Variants in PDCD6IP observed in about 807,000 individuals in gnomAD.
The protein encoded by PDCD6IP is programmed cell death 6-interacting protein.
Under a neutral mutation model 103.7 loss-of-function variants are expected in PDCD6IP, and 43 were observed. That is an observed-to-expected ratio of 0.41 (90% confidence interval 0.32 to 0.53). PDCD6IP has a LOEUF of 0.53. PDCD6IP is among the 20% of genes least tolerant of loss of function. The pLI, the probability that PDCD6IP is intolerant of heterozygous loss-of-function variation, is 0.16. For missense variants in PDCD6IP, 871 were observed against 1,036.7 expected (o/e 0.84, Z 2.20); for synonymous variants, 354 against 378.7 (o/e 0.93, Z 0.76).
chr3:33,864,113 C>T lies in PDCD6IP; in HGVS notation c.2228C>T (p.Ala743Val), dbSNP rs904072907. 2.3e-5 allele frequency: 37 copies of T among 1,594,504 alleles called. No individual in the cohort carries two copies. Among genetic ancestry groups the T allele is most frequent in the Admixed American group, 3.3e-5 (2 of 59,824 alleles). ...CATGCACCAACTCCTCCAACTCCAG[C>T]GCCAAGAACCATGCCGGTTAGTAGG... ...GGHAPTPPTPAPRTMPPTKPQ... is the reference protein window; with the variant it reads ...GGHAPTPPTPVPRTMPPTKPQ... Residue 743 changes from alanine (A) to valine (V), a missense_variant, in exon 16 of 18, where the codon GCG becomes GTG. Physicochemically the swap from Ala to Val is moderately conservative, Grantham distance 64 (BLOSUM62 0). Around this residue, in one of 5 missense-constraint regions of PDCD6IP, gnomAD observed 202 missense variants for 205.2 expected, o/e 0.98. Transcript: ENST00000307296.
chr3:33,845,890 T>C (rs563502255), intron 12 of PDCD6IP, among the ~76,000 whole-genome samples: 1 of 152,212 alleles, frequency 6.6e-6, no homozygotes, highest in Non-Finnish European at 1.5e-5. Flanking sequence ...AGTATAGAAA[T>C]TTCCTGAAAT....
intron 1 of PDCD6IP, among the ~76,000 whole-genome samples, chr3:33,801,600 A>G (rs1696477362): frequency 6.6e-6 from 1 of 151,944 alleles, no homozygotes. Context: ...ACCAGCCTGA[A>G]CTACATACTG....
At chr3:33,820,695 T>C (rs1696971956) in intron 3 of PDCD6IP, among the ~76,000 whole-genome samples, 2 of 152,250 alleles carry the variant, frequency 1.3e-5, no homozygotes, top group African/African-American at 4.8e-5. Context: ...TTTAGCTTAA[T>C]GTCCTCAAGA....
chr3:33,829,083 C>T, intron 7 of PDCD6IP, 114 bp downstream of exon 7: 1 of 650,294 alleles, frequency 1.5e-6, no homozygotes, highest in Non-Finnish European at 2.4e-6. Context: ...CCCCTATCAG[C>T]AGGGACAAGT....
At chr3:33,856,909 C>T (rs920795325) in intron 15 of PDCD6IP, among the ~76,000 whole-genome samples, 13 of 151,980 alleles carry the variant, frequency 8.6e-5, no homozygotes, top group Admixed American at 7.2e-4. Flanking sequence ...ACATAAAAAG[C>T]CATATATTCA....
chr3:33,859,998 T>G (rs1208676869), intron 15 of PDCD6IP, among the ~76,000 whole-genome samples: 1 of 152,162 alleles, frequency 6.6e-6, no homozygotes, highest in Non-Finnish European at 1.5e-5. Context: ...TCAGGGTGTT[T>G]TCAATTTACT....
At chr3:33,803,863 G>T (rs1392386062) in intron 1 of PDCD6IP, among the ~76,000 whole-genome samples, 1 of 151,228 alleles carries the variant, frequency 6.6e-6, no homozygotes, top group Non-Finnish European at 1.5e-5. Flanking sequence ...CCATCTTTTT[G>T]GTTTTTCTAA....
chr3:33,828,301 A>G (rs765743212), intron 6 of PDCD6IP, among the ~76,000 whole-genome samples: 6 of 152,274 alleles, frequency 3.9e-5, no homozygotes, highest in Non-Finnish European at 7.4e-5. Flanking sequence ...TCATTTTTAT[A>G]TGGCTAAAAT....
intron 9 of PDCD6IP, among the ~76,000 whole-genome samples, chr3:33,839,231 C>G (rs1258875587): frequency 6.6e-6 from 1 of 152,214 alleles, no homozygotes. Flanking sequence ...CTTTTAGCCC[C>G]TGGCCGCTAT....
intron 9 of PDCD6IP, among the ~76,000 whole-genome samples, chr3:33,841,433 CTTTTTTTTTTTTT>C (rs1301369045): frequency 1.6e-5 from 1 of 60,946 alleles, no homozygotes; most frequent in Non-Finnish European, 2.9e-5. Context: ...CTTTGCTTTG[CTTTTTTTTTTTTT>C]TTTTTTTTTT....
intron 1 of PDCD6IP, chr3:33,811,089 T>C (rs565158773): frequency 2.6e-4 from 116 of 438,192 alleles, no homozygotes; most frequent in African/African-American, 1.9e-3. Flanking sequence ...TTTTGCTGTG[T>C]TTCCTAGGCT....
At chr3:33,862,853 C>T (rs953588548) in intron 15 of PDCD6IP, among the ~76,000 whole-genome samples, 2 of 152,032 alleles carry the variant, frequency 1.3e-5, no homozygotes, top group African/African-American at 4.8e-5. Flanking sequence ...CAGGGACTAC[C>T]TTTTATTAGA....
intron 9 of PDCD6IP, among the ~76,000 whole-genome samples, chr3:33,840,048 T>C (rs1697434761): frequency 1.3e-5 from 2 of 152,204 alleles, no homozygotes; most frequent in African/African-American, 4.8e-5. Context: ...CATGGGGTTA[T>C]GGATGCTGAC....
chr3:33,820,901 T>G (rs943416430), intron 3 of PDCD6IP, among the ~76,000 whole-genome samples: 5 of 152,236 alleles, frequency 3.3e-5, no homozygotes, highest in African/African-American at 4.8e-5. Context: ...TTCATTTTTT[T>G]GGGGGTGTAT....
intron 7 of PDCD6IP, among the ~76,000 whole-genome samples, chr3:33,831,609 T>C (rs563411543): frequency 2.6e-5 from 4 of 152,222 alleles, no homozygotes; most frequent in African/African-American, 4.8e-5. Flanking sequence ...ATTGGGAAAA[T>C]AGGTATATAT....
chr3:33,831,334 T>C (rs758992768), intron 7 of PDCD6IP, among the ~76,000 whole-genome samples: 2 of 152,144 alleles, frequency 1.3e-5, no homozygotes, highest in Non-Finnish European at 2.9e-5. Flanking sequence ...AGCAAGATTG[T>C]AAATCTGATT....
Position 33,836,217 on chromosome 3 carries a change from A to T in PDCD6IP, c.1008A>T (p.Thr336=). ...ATCTAGATCCTATTGGCAAAGCCACACTTGTGAAATCTACCCCGGTCAATG... is the reference window on the plus strand; with the variant it reads ...ATCTAGATCCTATTGGCAAAGCCACTCTTGTGAAATCTACCCCGGTCAATG... ...LKDLDPIGKA[T]LVKSTPVNVP... The change falls in exon 8 of 18, where the codon ACA becomes ACT. Residue 336 remains threonine (T), a synonymous_variant. Transcript: ENST00000307296. 6.2e-7 allele frequency: 1 copy of T among 1,613,572 alleles called. No homozygotes were observed. The highest frequency in any genetic ancestry group is 1.1e-5 in the South Asian group (1 of 91,074).
chr3:33,817,568 A>T (rs1696882294), intron 3 of PDCD6IP, among the ~76,000 whole-genome samples: 1 of 152,042 alleles, frequency 6.6e-6, no homozygotes, highest in African/African-American at 2.4e-5. Flanking sequence ...AGCTTGGGGA[A>T]CAGACGAAAC....
chr3:33,865,318 C>A lies in PDCD6IP; in HGVS notation c.2320C>A (p.Pro774Thr), dbSNP rs138439508. The A allele has an allele frequency of 6.3e-7, 1 of 1,594,776 alleles. No homozygotes were observed. Among genetic ancestry groups the A allele is most frequent in the African/African-American group, 1.4e-5 (1 of 73,290 alleles). The change falls in exon 17 of 18, where the codon CCA (proline) becomes ACA (threonine). Residue 774 changes from proline to threonine, a missense_variant. Pro to Thr is a conservative substitution (Grantham distance 38). Coordinates refer to ENST00000307296, the MANE Select transcript of PDCD6IP (RefSeq NM_013374.6). ...AAATCGAGCTCCTTCTGCTACTGCT[C>A]CATCTCCAGTGGGGGCTGGGACTGC... The part of the protein sequence containing the change: ...PANRAPSATA[P>T]SPVGAGTAAP...
Sources: gnomAD v4.1 joint callset for allele counts (sites outside exome capture counted in the v4.1 genomes callset) on GRCh38, gnomAD v4.1.1 for gene constraint, gnomAD v4.1.1 regional missense constraint, MANE v1.5 for transcripts, NCBI Gene and HGNC (gene_info 2026-07-23, HGNC 2026-07-21) for gene names.